The following BMP5 variants were observed in gnomAD, a reference collection of about 807,000 sequenced individuals.
BMP5 encodes the protein bone morphogenetic protein 5.
BMP5 carries 23 observed loss-of-function variants against 46.6 expected under a neutral mutation model. That is an observed-to-expected ratio of 0.49 (90% CI 0.35 to 0.70). The LOEUF (loss-of-function observed/expected upper bound fraction) is 0.70. Among genes scored for constraint, BMP5 ranks in the 30% least tolerant of loss-of-function variants. The pLI is 0.00. For synonymous variants in BMP5, 204 were observed against 191.9 expected, an observed-to-expected ratio of 1.06 and a Z score of -0.52; for missense variants, 545 against 565.6, an observed-to-expected ratio of 0.96 and a Z score of 0.37.
intron 2 of BMP5, among the ~76,000 whole-genome samples, chr6:55,795,251 C>T (rs1775679655): frequency 6.6e-6 from 1 of 152,044 alleles, no homozygotes; most frequent in Admixed American, 6.6e-5. Flanking sequence ...CTATTTCTGA[C>T]ATTTAATCTT....
chr6:55,812,852 T>C (rs922429075), intron 2 of BMP5, among the ~76,000 whole-genome samples: 1 of 152,338 alleles, frequency 6.6e-6, no homozygotes, highest in East Asian at 1.9e-4. Flanking sequence ...CAAATTGAAA[T>C]TCCATTTTAA....
At chr6:55,824,678 C>G (rs1776488812) in intron 1 of BMP5, among the ~76,000 whole-genome samples, 1 of 151,512 alleles carries the variant, frequency 6.6e-6, no homozygotes, top group African/African-American at 2.4e-5. Flanking sequence ...CCAAAAATGA[C>G]ATTTCTCTCG....
Position 55,754,664 on chromosome 6 carries a change from T to C in BMP5, c.*869A>G, listed in dbSNP as rs1216978260. 1 of 152,006 alleles carries C rather than the reference T, an allele frequency of 6.6e-6. No homozygotes were observed. The highest frequency in any genetic ancestry group is 1.5e-5 in the Non-Finnish European group (1 of 67,952). The allele number at this position is 152,006 out of a possible 1,614,324, so 9.4% of individuals were successfully genotyped here. ...TTTTACGCATGCAGTGACTCTTGCC[T>C]GTGGGGAGGAAAGTGGAGCACATGT... On this transcript the variant is annotated 3_prime_UTR_variant, in exon 7 of 7. Coordinates refer to ENST00000370830, the MANE Select transcript of BMP5 (RefSeq NM_021073.4).
At position 55,759,120 on chromosome 6, in the gene BMP5, C is replaced by T. The variant is rs766304070; in HGVS notation, c.1105-5G>A. On this transcript the variant is annotated splice_region_variant and splice_polypyrimidine_tract_variant and intron_variant, in intron 5 of 6. Transcript: ENST00000370830. ...TTCTGGTGCTATAATCCAGTCCTGA[C>T]ACATACACACACACACACACACACA... 28 of 493,002 alleles carry T rather than the reference C, an allele frequency of 5.7e-5. No homozygotes were observed. The highest frequency in any genetic ancestry group is 1.8e-4 in the African/African-American group (6 of 32,740). The allele number at this position is 493,002 out of a possible 1,614,324, so 30.5% of individuals were successfully genotyped here.
intron 1 of BMP5, among the ~76,000 whole-genome samples, chr6:55,835,606 T>C (rs1162405912): frequency 6.6e-6 from 1 of 152,214 alleles, no homozygotes; most frequent in African/African-American, 2.4e-5. Flanking sequence ...TTGTGTTTAA[T>C]GCTAAGCTAT....
chr6:55,792,458 G>C (rs1278412839), intron 3 of BMP5, among the ~76,000 whole-genome samples: 2 of 151,344 alleles, frequency 1.3e-5, no homozygotes, highest in Non-Finnish European at 2.9e-5. Context: ...GGCTTGAATC[G>C]GGGAGGCAGA....
intron 2 of BMP5, among the ~76,000 whole-genome samples, chr6:55,807,073 C>G (rs1748254665): frequency 6.6e-6 from 1 of 152,136 alleles, no homozygotes; most frequent in East Asian, 1.9e-4. Context: ...CTTTCTCTTG[C>G]CTGATTGCCC....
At chr6:55,783,856 T>C (rs1775383879) in intron 3 of BMP5, among the ~76,000 whole-genome samples, 1 of 151,898 alleles carries the variant, frequency 6.6e-6, no homozygotes, top group Non-Finnish European at 1.5e-5. Context: ...AAAACAGAAA[T>C]ACAGATGTAG....
At chr6:55,776,573 CT>C (rs1351423723) in intron 3 of BMP5, among the ~76,000 whole-genome samples, 1 of 150,802 alleles carries the variant, frequency 6.6e-6, no homozygotes, top group East Asian at 2.0e-4. Flanking sequence ...TTTGACGAAG[CT>C]TTTATTTTGA....
intron 2 of BMP5, among the ~76,000 whole-genome samples, chr6:55,810,183 G>A (rs181641046): frequency 1.1e-3 from 171 of 152,040 alleles, no homozygotes; most frequent in Middle Eastern, 0.01. Context: ...ATGGTAAATC[G>A]CTTTTTTTCC....
intron 1 of BMP5, among the ~76,000 whole-genome samples, chr6:55,849,083 C>T (rs1263722077): frequency 1.3e-5 from 2 of 151,974 alleles, no homozygotes; most frequent in Non-Finnish European, 2.9e-5. Flanking sequence ...AGCCTCATTG[C>T]ATTTTTTTCT....
intron 1 of BMP5, among the ~76,000 whole-genome samples, chr6:55,821,795 A>G (rs774297715): frequency 1.3e-5 from 2 of 152,114 alleles, no homozygotes; most frequent in Non-Finnish European, 2.9e-5. Context: ...GGGCTGTGTG[A>G]GAGTGGAAGT....
intron 2 of BMP5, among the ~76,000 whole-genome samples, chr6:55,807,795 T>C (rs1776026459): frequency 6.6e-6 from 1 of 152,172 alleles, no homozygotes; most frequent in Non-Finnish European, 1.5e-5. Flanking sequence ...TGGGAGGGTG[T>C]ATGTGTCTAG....
intron 1 of BMP5, among the ~76,000 whole-genome samples, chr6:55,851,179 G>C (rs1351182022): frequency 6.7e-6 from 1 of 149,962 alleles, no homozygotes; most frequent in Non-Finnish European, 1.5e-5. Context: ...GAAAAGAAAA[G>C]CTATTTATCA....
chr6:55,800,814 T>C (rs1323546317), intron 2 of BMP5, among the ~76,000 whole-genome samples: 1 of 152,218 alleles, frequency 6.6e-6, no homozygotes, highest in Non-Finnish European at 1.5e-5. Flanking sequence ...TAATTTTCCA[T>C]GTTCACTTAG....
intron 1 of BMP5, among the ~76,000 whole-genome samples, chr6:55,823,563 A>G (rs9475417): frequency 0.22 from 33,931 of 151,926 alleles, 4,632 homozygotes; most frequent in African/African-American, 0.37. Context: ...CTTGTAATCG[A>G]AAGATAACAG....
At chr6:55,756,320 A>G (rs1333007757) in intron 6 of BMP5, among the ~76,000 whole-genome samples, 1 of 151,886 alleles carries the variant, frequency 6.6e-6, no homozygotes, top group Non-Finnish European at 1.5e-5. Flanking sequence ...TGCCCCCTAG[A>G]CAAGTGCCAA....
chr6:55,778,282 A>G (rs2127522956), intron 3 of BMP5, among the ~76,000 whole-genome samples: 1 of 152,124 alleles, frequency 6.6e-6, no homozygotes, highest in African/African-American at 2.4e-5. Flanking sequence ...TGGTTGCTGG[A>G]AGCTGTTCAA....
rs550682728 is a variant in BMP5, at chr6:55,754,113, T to G, written c.*1420A>C. ...TTTGGTATACGTTTGGTTTGAAAGA[T>G]CCAAAAGGATGATTAATAAATGGTG... On this transcript the variant is annotated 3_prime_UTR_variant, in exon 7 of 7. Transcript: ENST00000370830. 2.0e-5 allele frequency: 3 copies of G among 152,010 alleles called. No homozygotes were observed. The East Asian group carries it at 5.8e-4, about 30-fold the overall frequency. The allele number at this position is 152,010 out of a possible 1,614,324, so 9.4% of individuals were successfully genotyped here. A position where few individuals can be genotyped will look rare whatever the true frequency, so the allele number is the denominator to read the frequency against.
Sources: allele counts gnomAD v4.1 joint callset (sites outside exome capture counted in the v4.1 genomes callset), GRCh38; gene constraint gnomAD v4.1.1; transcripts MANE v1.5; gene names NCBI Gene and HGNC (gene_info 2026-07-23, HGNC 2026-07-21).